The following MTUS2 variants were observed in gnomAD, a reference collection of about 807,000 sequenced individuals.
MTUS2 encodes microtubule-associated tumor suppressor candidate 2.
MTUS2 carries 40 observed loss-of-function variants against 114.1 expected under a neutral mutation model. That is an observed-to-expected ratio of 0.35 (90% CI 0.27 to 0.46). The LOEUF is 0.46. Among genes scored for constraint, MTUS2 ranks in the 20% least tolerant of loss-of-function variants. The pLI is 1.00. For synonymous variants in MTUS2, 688 were observed against 672.0 expected, an observed-to-expected ratio of 1.02 and a Z score of -0.37; for missense variants, 1,679 against 1,705.4, an observed-to-expected ratio of 0.98 and a Z score of 0.27.
intron 4 of MTUS2, among the ~76,000 whole-genome samples, chr13:29,069,573 C>T (rs1350551324): frequency 6.6e-6 from 1 of 152,198 alleles, no homozygotes; most frequent in Admixed American, 6.5e-5. Context: ...ATCTGAGTAT[C>T]CCATGTCCTA....
intron 1 of MTUS2, among the ~76,000 whole-genome samples, chr13:28,833,856 A>C (rs1294837235): frequency 1.3e-5 from 2 of 152,148 alleles, no homozygotes; most frequent in Non-Finnish European, 2.9e-5. Context: ...CATATGCAAG[A>C]TTAATAAAAG....
At chr13:28,922,694 C>T (rs1399939734) in intron 2 of MTUS2, among the ~76,000 whole-genome samples, 1 of 152,208 alleles carries the variant, frequency 6.6e-6, no homozygotes, top group Non-Finnish European at 1.5e-5. Flanking sequence ...CGGCCACTGT[C>T]AAGAGATGGG....
At chr13:28,830,825 C>T (rs1002235661) in intron 1 of MTUS2, among the ~76,000 whole-genome samples, 3 of 152,118 alleles carry the variant, frequency 2.0e-5, no homozygotes, top group African/African-American at 7.2e-5. Flanking sequence ...TAACAGCTGA[C>T]TTCTCATCAG....
chr13:29,445,844 G>C (rs1163184956), intron 9 of MTUS2, among the ~76,000 whole-genome samples: 2 of 151,952 alleles, frequency 1.3e-5, no homozygotes, highest in African/African-American at 4.8e-5. Flanking sequence ...GGAGGCGGAT[G>C]TTGCAGTGAG....
At chr13:29,086,403 A>G (rs1889694114) in intron 4 of MTUS2, among the ~76,000 whole-genome samples, 3 of 151,864 alleles carry the variant, frequency 2.0e-5, no homozygotes, top group Admixed American at 2.0e-4. Context: ...GGGTTTTTAT[A>G]GGTATTACAT....
intron 5 of MTUS2, among the ~76,000 whole-genome samples, chr13:29,187,330 A>G (rs1345182717): frequency 1.3e-5 from 2 of 152,318 alleles, no homozygotes; most frequent in African/African-American, 4.8e-5. Context: ...GCAAAGATCA[A>G]CAAAATTGAC....
At chr13:29,223,072 C>A (rs1353272984) in intron 5 of MTUS2, among the ~76,000 whole-genome samples, 1 of 152,196 alleles carries the variant, frequency 6.6e-6, no homozygotes, top group Non-Finnish European at 1.5e-5. Flanking sequence ...AGGTTAATGG[C>A]AGCAGGAGGC....
At chr13:29,267,535 TCAG>T (rs1897712365) in intron 5 of MTUS2, among the ~76,000 whole-genome samples, 1 of 152,204 alleles carries the variant, frequency 6.6e-6, no homozygotes, top group African/African-American at 2.4e-5. Flanking sequence ...CCCAGAGCTA[TCAG>T]CAGTTGTTTA....
intron 8 of MTUS2, among the ~76,000 whole-genome samples, chr13:29,381,888 G>A (rs565870188): frequency 1.1e-4 from 16 of 152,288 alleles, no homozygotes; most frequent in Middle Eastern, 3.4e-3. Context: ...TGAGGGTGAC[G>A]TGAGATAACA....
intron 2 of MTUS2, among the ~76,000 whole-genome samples, chr13:28,911,843 ATGT>A (rs1267267897): frequency 1.4e-4 from 17 of 122,502 alleles, no homozygotes; most frequent in African/African-American, 5.2e-4. Context: ...CCACTTTTTA[ATGT>A]TTTTTTTTTT....
intron 4 of MTUS2, among the ~76,000 whole-genome samples, chr13:29,045,309 T>C (rs965327221): frequency 1.3e-5 from 2 of 152,166 alleles, no homozygotes; most frequent in African/African-American, 4.8e-5. Context: ...TCTTCTTTGT[T>C]TGCAGATGGA....
chr13:29,041,951 T>C (rs1446479488), intron 4 of MTUS2, among the ~76,000 whole-genome samples: 2 of 152,140 alleles, frequency 1.3e-5, no homozygotes, highest in Non-Finnish European at 2.9e-5. Flanking sequence ...TTTGGATGCC[T>C]TTTATTTCTT....
At chr13:29,189,066 C>T (rs1894340508) in intron 5 of MTUS2, among the ~76,000 whole-genome samples, 1 of 152,212 alleles carries the variant, frequency 6.6e-6, no homozygotes, top group Non-Finnish European at 1.5e-5. Flanking sequence ...CCTGGGGAAG[C>T]TCCTCTGTGT....
chr13:29,001,539 G>A lies in MTUS2; in HGVS notation c.-242-22918G>A, dbSNP rs554325920. 2.6e-5 allele frequency among the ~76,000 whole-genome samples: 4 copies of A among 152,314 alleles called. No individual in the cohort carries two copies. The South Asian group carries it at 8.3e-4, about 32-fold the overall frequency. On this transcript the variant is annotated intron_variant, in intron 2 of 15. Coordinates refer to ENST00000612955, the MANE Select transcript of MTUS2 (RefSeq NM_001033602.4). ...ACTGAAACGCAGGCAGATATGGGTAGAGCAGCTTTGGACAGAGGTGGTGGG... is the reference window on the plus strand; with the variant it reads ...ACTGAAACGCAGGCAGATATGGGTAAAGCAGCTTTGGACAGAGGTGGTGGG...
chr13:29,132,011 G>A (rs921340206), intron 5 of MTUS2, among the ~76,000 whole-genome samples: 15 of 152,226 alleles, frequency 9.9e-5, no homozygotes, highest in Non-Finnish European at 2.1e-4. Flanking sequence ...ATGAGAAGCA[G>A]AGCAGTTAAA....
intron 5 of MTUS2, among the ~76,000 whole-genome samples, chr13:29,180,616 TTTC>T (rs1566051135): frequency 6.6e-6 from 1 of 152,166 alleles, no homozygotes; most frequent in Non-Finnish European, 1.5e-5. Context: ...GATTTTCTAT[TTTC>T]TTCAAGTTAA....
intron 5 of MTUS2, among the ~76,000 whole-genome samples, chr13:29,190,831 G>A (rs78230194): frequency 3.3e-5 from 5 of 152,110 alleles, no homozygotes; most frequent in African/African-American, 9.7e-5. Flanking sequence ...AGTGAACCTC[G>A]GCCACCAGTT....
At chr13:29,293,047 TGTG>T (rs1456304593) in intron 6 of MTUS2, among the ~76,000 whole-genome samples, 1 of 152,184 alleles carries the variant, frequency 6.6e-6, no homozygotes, top group Non-Finnish European at 1.5e-5. Context: ...TAGTTTAAAA[TGTG>T]GGGATATGGA....
intron 9 of MTUS2, among the ~76,000 whole-genome samples, chr13:29,470,561 G>C (rs1030579953): frequency 3.3e-5 from 5 of 152,144 alleles, no homozygotes; most frequent in African/African-American, 4.8e-5. Flanking sequence ...TGATTGCCTC[G>C]CTTCCATCCT....
Sources: gnomAD v4.1 joint callset for allele counts (sites outside exome capture counted in the v4.1 genomes callset) on GRCh38, gnomAD v4.1.1 for gene constraint, MANE v1.5 for transcripts, NCBI Gene and HGNC (gene_info 2026-07-23, HGNC 2026-07-21) for gene names.